The following TASP1 variants were observed in gnomAD, a reference collection of about 807,000 sequenced individuals.
The protein encoded by TASP1 is threonine aspartase 1.
A neutral mutation model predicts 56.6 loss-of-function variants in TASP1; 16 were observed. The observed-to-expected ratio is 0.28, with a 90% CI of 0.19 to 0.43. The LOEUF (loss-of-function observed/expected upper bound fraction) is 0.43, where lower values mean the gene tolerates loss of function less well. Ranked by LOEUF, TASP1 falls within the 20% of genes least tolerant of loss-of-function variation. The probability of loss-of-function intolerance (pLI) is 1.00; values close to 1 mark genes in which losing one functional copy is unlikely to be tolerated. For synonymous variants in TASP1, 179 were observed against 184.2 expected (o/e 0.97, Z 0.23); for missense variants, 393 against 511.6 (o/e 0.77, Z 2.24).
At chr20:13,290,367 T>C in the TASP1 span, among the ~76,000 whole-genome samples, 1 of 152,064 alleles carries the variant, frequency 6.6e-6, no homozygotes, top group Admixed American at 6.6e-5. Flanking sequence ...AAAATGAAGA[T>C]TGCCTGGTGC....
the TASP1 span, among the ~76,000 whole-genome samples, chr20:13,107,901 C>A: frequency 6.7e-6 from 1 of 148,746 alleles, no homozygotes. Flanking sequence ...TCCCTTAATT[C>A]TTCATTATTT....
At chr20:13,361,742 TGTTTACACTGCCA>T in the TASP1 span, among the ~76,000 whole-genome samples, 2 of 152,136 alleles carry the variant, frequency 1.3e-5, no homozygotes, top group African/African-American at 2.4e-5. Context: ...GCCCTGCTCT[TGTTTACACTGCCA>T]GTTTACACTG....
chr20:13,165,963 CT>C, the TASP1 span: 1 of 152,356 alleles, frequency 6.6e-6, no homozygotes, highest in Admixed American at 6.5e-5. Flanking sequence ...CTTGTGTTCT[CT>C]CTTTCTTGCT....
At chr20:13,586,140 A>C (rs1361122270) in intron 5 of TASP1, among the ~76,000 whole-genome samples, 1 of 138,234 alleles carries the variant, frequency 7.2e-6, no homozygotes, top group African/African-American at 2.8e-5. Flanking sequence ...GCACCACTGC[A>C]CTCCAGGCTG....
the TASP1 span, among the ~76,000 whole-genome samples, chr20:13,159,355 G>T: frequency 1.3e-5 from 2 of 152,046 alleles, no homozygotes; most frequent in Non-Finnish European, 2.9e-5. Flanking sequence ...TATTATCCCT[G>T]TGCATCCCTG....
intron 13 of TASP1, chr20:13,393,275 G>A (rs933302083): frequency 5.4e-6 from 4 of 746,440 alleles, no homozygotes; most frequent in African/African-American, 3.5e-5. Context: ...AGGGCTGTGT[G>A]GCTCTCCAGA....
the TASP1 span, among the ~76,000 whole-genome samples, chr20:13,204,093 C>T: frequency 6.6e-6 from 1 of 152,162 alleles, no homozygotes; most frequent in South Asian, 2.1e-4. Flanking sequence ...AATAATATTA[C>T]TCAAGCATCT....
intron 10 of TASP1, among the ~76,000 whole-genome samples, chr20:13,505,727 A>G (rs567730821): frequency 6.6e-6 from 1 of 152,308 alleles, no homozygotes; most frequent in South Asian, 2.1e-4. Context: ...AAATGGAAAC[A>G]CAACATAACA....
At chr20:13,338,388 T>A in the TASP1 span, among the ~76,000 whole-genome samples, 1 of 152,168 alleles carries the variant, frequency 6.6e-6, no homozygotes, top group Non-Finnish European at 1.5e-5. Context: ...CTTCACCACA[T>A]CATTTTCTCA....
At chr20:13,129,256 G>T in the TASP1 span, among the ~76,000 whole-genome samples, 1 of 151,988 alleles carries the variant, frequency 6.6e-6, no homozygotes, top group East Asian at 1.9e-4. Flanking sequence ...CCCACCCCAG[G>T]CTCCTAAAGT....
At chr20:13,266,571 G>A in the TASP1 span, among the ~76,000 whole-genome samples, 5 of 152,212 alleles carry the variant, frequency 3.3e-5, no homozygotes, top group South Asian at 2.1e-4. Context: ...ACTCATTGTC[G>A]ATGTTAACTC....
intron 12 of TASP1, among the ~76,000 whole-genome samples, chr20:13,427,279 A>AT (rs1380780449): frequency 6.6e-6 from 1 of 152,218 alleles, no homozygotes. Context: ...TCAATTTAAC[A>AT]TTTTTTATTT....
chr20:13,219,769 C>T, the TASP1 span, among the ~76,000 whole-genome samples: 2 of 152,212 alleles, frequency 1.3e-5, no homozygotes, highest in East Asian at 3.8e-4. Context: ...CAGACCCTAC[C>T]TTAACTACCG....
At chr20:13,541,472 T>C (rs1235790225) in intron 8 of TASP1, among the ~76,000 whole-genome samples, 3 of 152,160 alleles carry the variant, frequency 2.0e-5, no homozygotes, top group East Asian at 3.9e-4. Context: ...CACTACAACC[T>C]GTCCTCCTTC....
At chr20:13,123,658 CT>C in the TASP1 span, among the ~76,000 whole-genome samples, 3 of 152,198 alleles carry the variant, frequency 2.0e-5, no homozygotes, top group Non-Finnish European at 4.4e-5. Flanking sequence ...TTCTCCCTCT[CT>C]TCCCAATTGA....
chr20:13,524,466 G>A (rs1181426539), intron 10 of TASP1, among the ~76,000 whole-genome samples: 1 of 152,072 alleles, frequency 6.6e-6, no homozygotes, highest in Admixed American at 6.6e-5. Context: ...CAAACAGGGA[G>A]GACCCACACA....
At chr20:13,536,901 G>A (rs2045439504) in intron 8 of TASP1, among the ~76,000 whole-genome samples, 1 of 151,950 alleles carries the variant, frequency 6.6e-6, no homozygotes, top group Non-Finnish European at 1.5e-5. Flanking sequence ...GGCATAGATT[G>A]TAGAATGGCA....
chr20:13,324,821 C>G, the TASP1 span, among the ~76,000 whole-genome samples: 1 of 152,118 alleles, frequency 6.6e-6, no homozygotes, highest in African/African-American at 2.4e-5. Flanking sequence ...GCTGGAAGCA[C>G]GCTTAGAAAT....
intron 10 of TASP1, among the ~76,000 whole-genome samples, chr20:13,485,955 G>C (rs888707251): frequency 1.3e-5 from 2 of 152,194 alleles, no homozygotes. Flanking sequence ...CACAATGTAT[G>C]TCAGAAAGAC....
Sources: allele counts gnomAD v4.1 joint callset (sites outside exome capture counted in the v4.1 genomes callset), GRCh38; gene constraint gnomAD v4.1.1; transcripts MANE v1.5; gene names NCBI Gene and HGNC (gene_info 2026-07-23, HGNC 2026-07-21).